PRKCA: variants seen among roughly 807,000 people sequenced by gnomAD.
PRKCA encodes the protein protein kinase C alpha type.
PRKCA carries 27 observed loss-of-function variants against 87.0 expected under a neutral mutation model. The observed-to-expected ratio is 0.31, with a 90% CI of 0.23 to 0.43. The LOEUF (loss-of-function observed/expected upper bound fraction) is 0.43. PRKCA is among the 20% of genes least tolerant of loss of function. The pLI is 1.00. For synonymous variants in PRKCA, 329 were observed against 311.1 expected (o/e 1.06, Z -0.61); for missense variants, 518 against 852.3 (o/e 0.61, Z 4.88).
intron 13 of PRKCA, among the ~76,000 whole-genome samples, chr17:66,754,130 A>G (rs1974494907): frequency 6.6e-6 from 1 of 152,140 alleles, no homozygotes; most frequent in African/African-American, 2.4e-5. Context: ...TCCTAGGTCA[A>G]TAGGGAGTTG....
intron 3 of PRKCA, among the ~76,000 whole-genome samples, chr17:66,577,729 A>G (rs908485118): frequency 6.6e-6 from 1 of 152,152 alleles, no homozygotes; most frequent in African/African-American, 2.4e-5. Flanking sequence ...CCATGTATTT[A>G]GAGCTAAAGG....
chr17:66,566,937 G>A (rs1255279544), intron 3 of PRKCA, among the ~76,000 whole-genome samples: 1 of 152,142 alleles, frequency 6.6e-6, no homozygotes, highest in Non-Finnish European at 1.5e-5. Flanking sequence ...ATGAAAGGAT[G>A]TTTTGTAATT....
At chr17:66,409,069 T>C (rs1000969745) in intron 2 of PRKCA, among the ~76,000 whole-genome samples, 1 of 130,420 alleles carries the variant, frequency 7.7e-6, no homozygotes, top group African/African-American at 2.8e-5. Flanking sequence ...GAAGAATAAA[T>C]AGTGGTTGTC....
chr17:66,311,405 C>T (rs1286459854), intron 2 of PRKCA, among the ~76,000 whole-genome samples: 1 of 152,098 alleles, frequency 6.6e-6, no homozygotes, highest in East Asian at 1.9e-4. Flanking sequence ...TGCTTGAGCC[C>T]AGAACTTTAA....
chr17:66,626,499 C>T (rs1598825673), intron 3 of PRKCA, among the ~76,000 whole-genome samples: 2 of 151,396 alleles, frequency 1.3e-5, no homozygotes, highest in African/African-American at 4.8e-5. Flanking sequence ...GTAGCTGGGA[C>T]TACAGGCACC....
chr17:66,640,959 G>T, intron 3 of PRKCA: 1 of 344,398 alleles, frequency 2.9e-6, no homozygotes, highest in South Asian at 2.2e-5. Context: ...TCAGGAGTTC[G>T]AGACCAGCCT....
chr17:66,511,230 A>C (rs949527089), intron 3 of PRKCA, among the ~76,000 whole-genome samples: 3 of 152,120 alleles, frequency 2.0e-5, no homozygotes, highest in African/African-American at 7.2e-5. Context: ...AAACATAAGA[A>C]TTTCATACTC....
At chr17:66,533,345 TC>T (rs905314608) in intron 3 of PRKCA, among the ~76,000 whole-genome samples, 9 of 152,198 alleles carry the variant, frequency 5.9e-5, no homozygotes, top group Admixed American at 2.0e-4. Context: ...TAGGCCTTTC[TC>T]CTCTAAAGGC....
intron 3 of PRKCA, among the ~76,000 whole-genome samples, chr17:66,613,846 G>A (rs986517275): frequency 3.3e-5 from 4 of 119,722 alleles, no homozygotes; most frequent in African/African-American, 6.3e-5. Context: ...GTAGTGGCAC[G>A]ATCTCTGCTC....
At chr17:66,747,300 G>C (rs1974316401) in intron 13 of PRKCA, among the ~76,000 whole-genome samples, 1 of 152,104 alleles carries the variant, frequency 6.6e-6, no homozygotes, top group Admixed American at 6.6e-5. Context: ...CAATTTCCTG[G>C]GCTCAGGCAG....
intron 4 of PRKCA, among the ~76,000 whole-genome samples, chr17:66,644,283 C>T (rs1246942438): frequency 6.6e-6 from 1 of 152,162 alleles, no homozygotes. Context: ...GATGCTTTTT[C>T]CAATTTACTT....
At chr17:66,339,611 T>C (rs1906917944) in intron 2 of PRKCA, among the ~76,000 whole-genome samples, 1 of 152,230 alleles carries the variant, frequency 6.6e-6, no homozygotes, top group Non-Finnish European at 1.5e-5. Context: ...CTTTCATTAC[T>C]ACTTGAGGGG....
intron 3 of PRKCA, among the ~76,000 whole-genome samples, chr17:66,613,245 A>G (rs1484403683): frequency 6.6e-6 from 1 of 152,236 alleles, no homozygotes; most frequent in Non-Finnish European, 1.5e-5. Context: ...TGGCTCTGTG[A>G]AGAGTTGAGT....
chr17:66,535,026 C>T (rs889004024), intron 3 of PRKCA, among the ~76,000 whole-genome samples: 7 of 152,316 alleles, frequency 4.6e-5, no homozygotes, highest in African/African-American at 1.7e-4. Context: ...TGTGTGTTAC[C>T]TATAAGGTGC....
At chr17:66,701,789 A>G (rs1226914271) in intron 8 of PRKCA, among the ~76,000 whole-genome samples, 1 of 152,174 alleles carries the variant, frequency 6.6e-6, no homozygotes, top group Non-Finnish European at 1.5e-5. Flanking sequence ...CAGACCTGTT[A>G]GAATGGCAGT....
At chr17:66,614,110 T>C (rs1189091538) in intron 3 of PRKCA, among the ~76,000 whole-genome samples, 2 of 152,094 alleles carry the variant, frequency 1.3e-5, no homozygotes, top group Non-Finnish European at 2.9e-5. Context: ...TTAACTTAAC[T>C]AAATTGCACC....
At chr17:66,675,706 T>C (rs777643142) in intron 5 of PRKCA, among the ~76,000 whole-genome samples, 2 of 152,122 alleles carry the variant, frequency 1.3e-5, no homozygotes, top group South Asian at 4.1e-4. Context: ...AAAATCTGTA[T>C]GCGTCAGGAG....
chr17:66,713,044 T>C (rs983739992), intron 8 of PRKCA, among the ~76,000 whole-genome samples: 2 of 128,268 alleles, frequency 1.6e-5, no homozygotes, highest in African/African-American at 6.0e-5. Context: ...GAACCCTTTG[T>C]TGTCCTTTTT....
Position 66,663,490 on chromosome 17 carries a change from G to A in PRKCA, c.529+17979G>A, listed in dbSNP as rs537952294. On this transcript the variant is annotated intron_variant, in intron 5 of 16. Coordinates refer to ENST00000413366, the MANE Select transcript of PRKCA (RefSeq NM_002737.3). Reference sequence around the variant, plus strand: ...TAATCAGACCGAGGGGAAAGATGAGGGAGGGGCTGGAGGGGCCATCCGCTG... The same window carrying A: ...TAATCAGACCGAGGGGAAAGATGAGAGAGGGGCTGGAGGGGCCATCCGCTG... 1.2e-4 allele frequency among the ~76,000 whole-genome samples: 18 copies of A among 152,304 alleles called. No homozygotes were observed. The South Asian group carries it at 3.5e-3, about 30-fold the overall frequency.
Sources: gnomAD v4.1 joint callset for allele counts (sites outside exome capture counted in the v4.1 genomes callset) on GRCh38, gnomAD v4.1.1 for gene constraint, MANE v1.5 for transcripts, NCBI Gene and HGNC (gene_info 2026-07-23, HGNC 2026-07-21) for gene names.